NR5A2: variants seen among roughly 807,000 people sequenced by gnomAD.
NR5A2 encodes nuclear receptor subfamily 5 group A member 2.
Under a neutral mutation model 62.7 loss-of-function variants are expected in NR5A2, and 26 were observed. The ratio of observed to expected loss-of-function variants is 0.41; its 90% confidence interval spans 0.30 to 0.58. NR5A2 has a LOEUF of 0.58. Among genes scored for constraint, NR5A2 ranks in the 20% least tolerant of loss-of-function variants. The pLI is 0.22. For missense variants in NR5A2, 541 were observed against 669.1 expected, an observed-to-expected ratio of 0.81 and a Z score of 2.11; for synonymous variants, 246 against 241.7, an observed-to-expected ratio of 1.02 and a Z score of -0.16.
At chr1:200,138,410 C>T (rs2102340674) in intron 7 of NR5A2, among the ~76,000 whole-genome samples, 1 of 152,232 alleles carries the variant, frequency 6.6e-6, no homozygotes, top group South Asian at 2.1e-4. Flanking sequence ...GAACATCTTT[C>T]TGTTTCTTTG....
chr1:200,079,566 A>G (rs1159950879), intron 5 of NR5A2, among the ~76,000 whole-genome samples: 1 of 152,232 alleles, frequency 6.6e-6, no homozygotes, highest in Admixed American at 6.5e-5. Context: ...TTTCAAAGAT[A>G]TATTATTTCA....
At chr1:200,085,071 C>A (rs1394007850) in intron 5 of NR5A2, among the ~76,000 whole-genome samples, 1 of 152,074 alleles carries the variant, frequency 6.6e-6, no homozygotes, top group East Asian at 1.9e-4. Flanking sequence ...TGGGTTACTG[C>A]CAGTGGGGGA....
intron 5 of NR5A2, among the ~76,000 whole-genome samples, chr1:200,080,780 A>G (rs893967763): frequency 6.6e-6 from 1 of 152,248 alleles, no homozygotes; most frequent in Non-Finnish European, 1.5e-5. Context: ...ATCAGATAAT[A>G]TCTGAGTATC....
At chr1:200,130,481 A>G (rs1571528015) in intron 7 of NR5A2, among the ~76,000 whole-genome samples, 1 of 152,342 alleles carries the variant, frequency 6.6e-6, no homozygotes, top group East Asian at 1.9e-4. Flanking sequence ...AAAGTGAAAT[A>G]GCAGTGCCTG....
chr1:200,055,092 G>A (rs1454894263), intron 5 of NR5A2, among the ~76,000 whole-genome samples: 1 of 151,798 alleles, frequency 6.6e-6, no homozygotes, highest in African/African-American at 2.4e-5. Flanking sequence ...ATGGGATCTT[G>A]CGACGTTGCC....
chr1:200,135,339 G>T (rs1667167667), intron 7 of NR5A2, among the ~76,000 whole-genome samples: 1 of 151,988 alleles, frequency 6.6e-6, no homozygotes, highest in Non-Finnish European at 1.5e-5. Context: ...TAGCCAACAT[G>T]GTGAAACCCC....
chr1:200,158,356 T>G (rs988677129), intron 7 of NR5A2, among the ~76,000 whole-genome samples: 3 of 152,230 alleles, frequency 2.0e-5, no homozygotes, highest in Non-Finnish European at 4.4e-5. Context: ...ATAAAGTAGA[T>G]GCAAGGGGTT....
intron 1 of NR5A2, among the ~76,000 whole-genome samples, chr1:200,035,488 G>T (rs954168148): frequency 1.3e-5 from 2 of 152,074 alleles, no homozygotes; most frequent in African/African-American, 2.4e-5. Context: ...AGGTCAGGTC[G>T]AGTTGATTGC....
intron 1 of NR5A2, chr1:200,038,732 C>T (rs750077354): frequency 1.5e-6 from 2 of 1,366,170 alleles, no homozygotes; most frequent in Non-Finnish European, 2.0e-6. Flanking sequence ...GCTGCTTCTC[C>T]TTCGCCGCCA....
intron 5 of NR5A2, among the ~76,000 whole-genome samples, chr1:200,107,220 G>C (rs1665722695): frequency 6.6e-6 from 1 of 151,898 alleles, no homozygotes; most frequent in Non-Finnish European, 1.5e-5. Context: ...TTGTGGGCTA[G>C]ATGCACAAGA....
chr1:200,171,281 T>A (rs1380718018), intron 7 of NR5A2, among the ~76,000 whole-genome samples: 1 of 152,204 alleles, frequency 6.6e-6, no homozygotes, highest in East Asian at 1.9e-4. Flanking sequence ...TCAAAATAGC[T>A]TAATGGGATA....
At chr1:200,148,019 G>A in intron 7 of NR5A2, 1 of 303,736 alleles carries the variant, frequency 3.3e-6, no homozygotes, top group South Asian at 5.2e-5. Context: ...CCAGTTCGAA[G>A]GCCACGTTGG....
At position 200,039,198 on chromosome 1, in the gene NR5A2, CGAGA is replaced by C. The variant is rs1661928491; in HGVS notation, c.65-457_65-454del. Among the ~76,000 whole-genome samples the C allele has an allele frequency of 6.6e-6, 1 of 151,922 alleles. No individual in the cohort carries two copies. Among genetic ancestry groups the C allele is most frequent in the South Asian group, 2.1e-4 (1 of 4,820 alleles). ...GAGAGGAGGGGAGAGAGAAGGGAGG[CGAGA>C]GAAAGAGGAGAGAGACCCCTGCCGA... is the stretch of plus-strand genomic sequence containing the variant. On this transcript the variant is annotated intron_variant, in intron 1 of 7. Coordinates refer to ENST00000367362, the MANE Select transcript of NR5A2 (RefSeq NM_205860.3). The surrounding 1 kb of genome is among the most constrained non-coding windows in gnomAD (Gnocchi z 5.1).
intron 7 of NR5A2, among the ~76,000 whole-genome samples, chr1:200,154,209 A>G (rs1653270535): frequency 1.3e-5 from 2 of 152,178 alleles, no homozygotes. Flanking sequence ...TTGTTTCAGC[A>G]GTCCTGAAGT....
At chr1:200,047,584 C>CTTTTTTTTT (rs3066613) in intron 4 of NR5A2, among the ~76,000 whole-genome samples, 2,468 of 148,292 alleles carry the variant, frequency 0.017, 86 homozygotes, top group African/African-American at 0.058. Context: ...TATTTCTTTT[C>CTTTTTTTTT]TTTTTTTTGA....
chr1:200,115,030 G>C (rs926564333), intron 6 of NR5A2, among the ~76,000 whole-genome samples: 2 of 124,492 alleles, frequency 1.6e-5, no homozygotes, highest in Non-Finnish European at 3.6e-5. Flanking sequence ...AGACTAAATG[G>C]ATATGCTTTT....
Position 200,043,830 on chromosome 1 carries a change from C to A in NR5A2, c.259C>A (p.Pro87Thr). 6.2e-7 allele frequency: 1 copy of A among 1,613,812 alleles called. No homozygotes were observed. Among genetic ancestry groups the A allele is most frequent in the Non-Finnish European group, 8.5e-7 (1 of 1,179,854 alleles). The change falls in exon 3 of 8, where the codon CCC becomes ACC. Residue 87 changes from proline to threonine, a missense_variant. Around this residue, in one of 3 missense-constraint regions of NR5A2, gnomAD observed 54 missense variants for 123.8 expected, o/e 0.44. Transcript: ENST00000367362. ...SYDEDLEELC[P>T]VCGDKVSGYH... ...TGATGAAGATCTGGAAGAGCTTTGTCCCGTGTGTGGAGATAAAGTGTCTGG... is the reference window on the plus strand; with the variant it reads ...TGATGAAGATCTGGAAGAGCTTTGTACCGTGTGTGGAGATAAAGTGTCTGG...
intron 7 of NR5A2, among the ~76,000 whole-genome samples, chr1:200,150,905 C>T (rs61826162): frequency 0.11 from 16,852 of 152,140 alleles, 1,021 homozygotes; most frequent in African/African-American, 0.13. Context: ...TCACTAGCAA[C>T]GCCCAGGTTC....
At chr1:200,096,504 T>C (rs1472366530) in intron 5 of NR5A2, among the ~76,000 whole-genome samples, 15 of 152,172 alleles carry the variant, frequency 9.9e-5, no homozygotes, top group African/African-American at 2.9e-4. Flanking sequence ...TCTCTAGGCC[T>C]GTATCTGTCT....
Sources: gnomAD v4.1 joint callset for allele counts (sites outside exome capture counted in the v4.1 genomes callset) on GRCh38, gnomAD v4.1.1 for gene constraint, gnomAD v4.1.1 regional missense constraint, Gnocchi (gnomAD v3.1) non-coding constraint, MANE v1.5 for transcripts, NCBI Gene and HGNC (gene_info 2026-07-23, HGNC 2026-07-21) for gene names.